Variants in DLG2 observed in about 807,000 individuals in gnomAD.
The protein encoded by DLG2 is disks large homolog 2.
Under a neutral mutation model 132.5 loss-of-function variants are expected in DLG2, and 45 were observed. The observed-to-expected ratio is 0.34, with a 90% CI of 0.27 to 0.44. DLG2 has a LOEUF of 0.44. DLG2 is among the 20% of genes least tolerant of loss of function. The pLI is 1.00. For missense variants in DLG2, 1,045 were observed against 1,196.9 expected (o/e 0.87, Z 1.87); for synonymous variants, 424 against 419.6 (o/e 1.01, Z -0.13).
chr11:84,432,874 A>G (rs2098988961), intron 7 of DLG2, among the ~76,000 whole-genome samples: 1 of 152,094 alleles, frequency 6.6e-6, no homozygotes, highest in Admixed American at 6.6e-5. Context: ...AACGCAAAAA[A>G]TTAGTCAGCT....
At chr11:83,850,899 G>A (rs1011898239) in intron 16 of DLG2, among the ~76,000 whole-genome samples, 14 of 152,172 alleles carry the variant, frequency 9.2e-5, no homozygotes, top group South Asian at 2.1e-4. Flanking sequence ...TTTTGAGGCC[G>A]GGCGCGGTGG....
intron 4 of DLG2, among the ~76,000 whole-genome samples, chr11:85,246,978 T>G (rs1354215757): frequency 6.6e-6 from 1 of 152,104 alleles, no homozygotes; most frequent in Admixed American, 6.6e-5. Flanking sequence ...ATATACAAGC[T>G]GGAATGGCAT....
chr11:83,667,757 A>T (rs752851471), intron 18 of DLG2, among the ~76,000 whole-genome samples: 172 of 152,054 alleles, frequency 1.1e-3, no homozygotes, highest in Non-Finnish European at 2.4e-3. Flanking sequence ...AGGCGGGCGG[A>T]TCACGAGGTC....
chr11:83,545,745 T>C (rs2116484), intron 19 of DLG2, among the ~76,000 whole-genome samples: 99,961 of 151,850 alleles, frequency 0.66, 33,417 homozygotes, highest in Middle Eastern at 0.75. Context: ...CAGCAACAGG[T>C]TCTTTCCACG....
intron 7 of DLG2, among the ~76,000 whole-genome samples, chr11:84,486,176 C>T (rs757403371): frequency 2.6e-5 from 4 of 152,066 alleles, no homozygotes; most frequent in Non-Finnish European, 5.9e-5. Context: ...CCTTCCCTAT[C>T]TCTATAAATG....
chr11:84,759,666 G>T (rs1232808245), intron 6 of DLG2, among the ~76,000 whole-genome samples: 1 of 152,112 alleles, frequency 6.6e-6, no homozygotes, highest in African/African-American at 2.4e-5. Context: ...AAGCAAAAGT[G>T]GCCCTAATAA....
intron 6 of DLG2, among the ~76,000 whole-genome samples, chr11:84,888,873 A>G (rs1474219761): frequency 6.6e-6 from 1 of 152,172 alleles, no homozygotes; most frequent in African/African-American, 2.4e-5. Flanking sequence ...AATATACATC[A>G]TCTAGAACTT....
intron 6 of DLG2, among the ~76,000 whole-genome samples, chr11:84,913,628 C>A (rs2092269589): frequency 6.6e-6 from 1 of 152,044 alleles, no homozygotes. Context: ...AATAATACAT[C>A]TTAATCCAAT....
chr11:83,561,453 G>C (rs2096608380), intron 19 of DLG2, among the ~76,000 whole-genome samples: 1 of 152,174 alleles, frequency 6.6e-6, no homozygotes. Flanking sequence ...GGCACTGACA[G>C]TCATTTGTAA....
chr11:83,698,063 T>C (rs1018414196), intron 18 of DLG2, among the ~76,000 whole-genome samples: 1 of 152,186 alleles, frequency 6.6e-6, no homozygotes, highest in African/African-American at 2.4e-5. Flanking sequence ...GGATAAGTCA[T>C]TGAGTCTCAC....
At chr11:85,005,738 C>T (rs917549137) in intron 6 of DLG2, among the ~76,000 whole-genome samples, 1 of 152,110 alleles carries the variant, frequency 6.6e-6, no homozygotes, top group African/African-American at 2.4e-5. Context: ...TGCCTGATTG[C>T]CCTGGCCAGA....
intron 7 of DLG2, among the ~76,000 whole-genome samples, chr11:84,376,700 C>T (rs1377219167): frequency 2.0e-5 from 3 of 151,102 alleles, no homozygotes; most frequent in African/African-American, 4.9e-5. Context: ...AGCCAAAAAC[C>T]TAATGGAAAA....
Position 85,154,574 on chromosome 11 carries a change from T to A in DLG2, c.264A>T (p.Glu88Asp). 6.6e-7 allele frequency: 1 copy of A among 1,516,086 alleles called. No homozygotes were observed. The highest frequency in any genetic ancestry group is 1.2e-5 in the South Asian group (1 of 82,508). The allele number at this position is 1,516,086 out of a possible 1,614,324, so 93.9% of individuals were successfully genotyped here. The change falls in exon 5 of 28, where the codon GAA (glutamate) becomes GAT (aspartate). Residue 88 changes from glutamate to aspartate, a missense_variant. Physicochemically the swap from Glu to Asp is conservative, Grantham distance 45. Transcript: ENST00000376104. ...QNKENQSFENETDETTTQNQG... is the reference protein window; with the variant it reads ...QNKENQSFENDTDETTTQNQG... Reference sequence around the variant, plus strand: ...CACTTACAGTTGTCGTCTCATCAGTTTCATTTTCAAAACTCTGATTTTCTT... The same window carrying A: ...CACTTACAGTTGTCGTCTCATCAGTATCATTTTCAAAACTCTGATTTTCTT...
intron 6 of DLG2, among the ~76,000 whole-genome samples, chr11:84,786,064 T>C (rs1205092941): frequency 6.6e-6 from 1 of 152,184 alleles, no homozygotes; most frequent in African/African-American, 2.4e-5. Flanking sequence ...TCATTACTTC[T>C]AGCTCTTTTA....
intron 7 of DLG2, among the ~76,000 whole-genome samples, chr11:84,533,071 A>G (rs1168944233): frequency 6.6e-6 from 1 of 152,222 alleles, no homozygotes; most frequent in African/African-American, 2.4e-5. Context: ...AGTCTTTTCT[A>G]CAAAACCTCT....
chr11:85,191,814 T>A (rs369554337), intron 4 of DLG2, among the ~76,000 whole-genome samples: 2 of 152,208 alleles, frequency 1.3e-5, no homozygotes, highest in Non-Finnish European at 2.9e-5. Flanking sequence ...ATACTTCTTA[T>A]AAGTCTACTA....
At chr11:83,927,635 TG>T (rs2079224249) in intron 15 of DLG2, among the ~76,000 whole-genome samples, 1 of 152,186 alleles carries the variant, frequency 6.6e-6, no homozygotes, top group African/African-American at 2.4e-5. Flanking sequence ...ATGCAGAGCC[TG>T]GATGCTATGT....
At chr11:83,912,014 A>G (rs1168452045) in intron 15 of DLG2, among the ~76,000 whole-genome samples, 1 of 152,154 alleles carries the variant, frequency 6.6e-6, no homozygotes, top group Non-Finnish European at 1.5e-5. Context: ...ACAGCAACAA[A>G]TAAAACACAA....
In DLG2 at chr11:85,057,746, A is replaced by G. The variant is rs558447603; in HGVS notation, c.357+53915T>C. On this transcript the variant is annotated intron_variant, in intron 6 of 27. Transcript: ENST00000376104. ...TCTTTCTCATTAGCATGAAAGCAAA[A>G]AAAAGTAAAACAGCTACATATGAAA... Among the ~76,000 whole-genome samples, 4 of 151,748 alleles carry G rather than the reference A, an allele frequency of 2.6e-5. No individual in the cohort carries two copies. The South Asian group carries it at 8.3e-4, about 31-fold the overall frequency.
Sources: allele counts gnomAD v4.1 joint callset (sites outside exome capture counted in the v4.1 genomes callset), GRCh38; gene constraint gnomAD v4.1.1; transcripts MANE v1.5; gene names NCBI Gene and HGNC (gene_info 2026-07-23, HGNC 2026-07-21).